The following PCDHGA10 variants were observed in gnomAD, a reference collection of about 807,000 sequenced individuals.
PCDHGA10 encodes the protein protocadherin gamma-A10.
In PCDHGA10, 42 loss-of-function variants were observed where a neutral mutation model predicts 59.5. The ratio of observed to expected loss-of-function variants is 0.71; its 90% confidence interval spans 0.55 to 0.91. PCDHGA10 has a LOEUF of 0.91. Ranked by LOEUF, PCDHGA10 falls within the 40% of genes least tolerant of loss-of-function variation. PCDHGA10 has a pLI of 0.00. For synonymous variants in PCDHGA10, 511 were observed against 517.2 expected (o/e 0.99, Z 0.16); for missense variants, 1,111 against 1,198.2 (o/e 0.93, Z 1.07).
intron 1 of PCDHGA10, among the ~76,000 whole-genome samples, chr5:141,437,990 C>G (rs1298325497): frequency 1.3e-5 from 2 of 152,148 alleles, no homozygotes; most frequent in Non-Finnish European, 2.9e-5. Flanking sequence ...CCCACCCCAC[C>G]TCAGCCTCCC....
At chr5:141,448,359 CTTTA>C in intron 1 of PCDHGA10, among the ~76,000 whole-genome samples, 1 of 152,074 alleles carries the variant, frequency 6.6e-6, no homozygotes, top group East Asian at 1.9e-4. Context: ...TAGTAGTTTT[CTTTA>C]TTTTATTTTT....
At chr5:141,498,089 A>G (rs1402239680) in intron 2 of PCDHGA10, among the ~76,000 whole-genome samples, 3 of 152,370 alleles carry the variant, frequency 2.0e-5, no homozygotes, top group South Asian at 2.1e-4. Context: ...GTAGAATTGT[A>G]TCTGGTGGTG....
At chr5:141,456,687 A>G (rs1053490307) in intron 1 of PCDHGA10, among the ~76,000 whole-genome samples, 1 of 152,156 alleles carries the variant, frequency 6.6e-6, no homozygotes. Context: ...ATTACTGGCC[A>G]GGCGTGGTGG....
chr5:141,415,977 C>A (rs1479258110), intron 1 of PCDHGA10: 2 of 354,488 alleles, frequency 5.6e-6, no homozygotes, highest in Non-Finnish European at 9.4e-6. Context: ...CCTTAAGCAA[C>A]CCTCTTGTTC....
At chr5:141,460,981 G>GTATA (rs1491204135) in intron 1 of PCDHGA10, among the ~76,000 whole-genome samples, 10 of 121,884 alleles carry the variant, frequency 8.2e-5, no homozygotes, top group African/African-American at 3.1e-4. Context: ...GTGTGTGTGT[G>GTATA]TGTATATATA....
chr5:141,431,748 G>T lies in PCDHGA10; in HGVS notation c.2436+16137G>T. 1 of 1,614,196 alleles carries T rather than the reference G, an allele frequency of 6.2e-7. No homozygotes were observed. Among genetic ancestry groups the T allele is most frequent in the Non-Finnish European group, 8.5e-7 (1 of 1,180,042 alleles). Reference sequence around the variant, plus strand: ...ATGGATAATGCAGGATATTCTGCGCGAGCCAAAGTCCTGATCACTGTTCTG... The same window carrying T: ...ATGGATAATGCAGGATATTCTGCGCTAGCCAAAGTCCTGATCACTGTTCTG... On this transcript the variant is annotated intron_variant, in intron 1 of 3. Transcript: ENST00000398610. This position sits in a 1 kb window ranked among gnomAD's most constrained non-coding sequence, Gnocchi z 4.8.
chr5:141,418,434 C>T, intron 1 of PCDHGA10: 5 of 1,613,944 alleles, frequency 3.1e-6, no homozygotes, highest in Non-Finnish European at 4.2e-6. Context: ...GGCAAATATC[C>T]AGAATTAGTA....
intron 1 of PCDHGA10, among the ~76,000 whole-genome samples, chr5:141,445,961 G>C (rs944876169): frequency 6.6e-6 from 1 of 152,158 alleles, no homozygotes; most frequent in Non-Finnish European, 1.5e-5. Flanking sequence ...GCTATATGGA[G>C]AATTGATTTA....
intron 2 of PCDHGA10, among the ~76,000 whole-genome samples, chr5:141,501,984 G>A (rs989251578): frequency 2.0e-5 from 3 of 152,042 alleles, no homozygotes; most frequent in African/African-American, 4.8e-5. Context: ...ATCTGGTCCC[G>A]TTGTCTCCCT....
Position 141,422,144 on chromosome 5 carries a change from G to A in PCDHGA10, c.2436+6533G>A, listed in dbSNP as rs748208921. On this transcript the variant is annotated intron_variant, in intron 1 of 3. Transcript: ENST00000398610. Reference sequence around the variant, plus strand: ...CAAACTGGAGAAGTTCAAGTACGGGGGTCTCTGGATTTTGAAAAATATAGA... The same window carrying A: ...CAAACTGGAGAAGTTCAAGTACGGGAGTCTCTGGATTTTGAAAAATATAGA... 1.9e-6 allele frequency: 3 copies of A among 1,583,402 alleles called. No individual in the cohort carries two copies. In the African/African-American group the frequency reaches 4.1e-5, roughly 22 times the overall value.
intron 1 of PCDHGA10, among the ~76,000 whole-genome samples, chr5:141,434,567 C>T (rs1220152239): frequency 6.6e-6 from 1 of 152,206 alleles, no homozygotes; most frequent in East Asian, 1.9e-4. Flanking sequence ...TAAGGACATG[C>T]CCCTGCTGCA....
intron 1 of PCDHGA10, chr5:141,419,935 G>T: frequency 6.2e-7 from 1 of 1,614,070 alleles, no homozygotes; most frequent in Non-Finnish European, 8.5e-7. Flanking sequence ...AGTTTTACCT[G>T]GTGGTGGCCT....
In PCDHGA10 at chr5:141,490,803, C is replaced by A; in HGVS notation, c.2437-4004C>A. The A allele has an allele frequency of 6.2e-7, 1 of 1,613,956 alleles. No homozygotes were observed. Among genetic ancestry groups the A allele is most frequent in the South Asian group, 1.1e-5 (1 of 91,080 alleles). On this transcript the variant is annotated intron_variant, in intron 1 of 3. Transcript: ENST00000398610. The surrounding 1 kb of genome is among the most constrained non-coding windows in gnomAD (Gnocchi z 5.4). ...ATGGACGGATCTTTGCCCAGCGTAC[C>A]TTTGACTATGAATTGCTGCAGATGC...
At chr5:141,441,537 C>A in intron 1 of PCDHGA10, 1 of 173,250 alleles carries the variant, frequency 5.8e-6, no homozygotes, top group Non-Finnish European at 1.2e-5. Context: ...ACAATCTTCC[C>A]AAAGCCTCCA....
chr5:141,490,050 C>T lies in PCDHGA10; in HGVS notation c.2437-4757C>T, dbSNP rs1400735375. On this transcript the variant is annotated intron_variant, in intron 1 of 3. Transcript: ENST00000398610. This position sits in a 1 kb window ranked among gnomAD's most constrained non-coding sequence, Gnocchi z 5.4. ...TCCGCCTCAATGCCACTGATCCAGA[C>T]GAGGGCACCAACGGCCAACTAGACT... The T allele has an allele frequency of 1.2e-6, 2 of 1,614,224 alleles. No individual in the cohort carries two copies. The highest frequency in any genetic ancestry group is 1.7e-6 in the Non-Finnish European group (2 of 1,180,022).
chr5:141,418,433 C>A (rs761824602), intron 1 of PCDHGA10: 6 of 1,613,820 alleles, frequency 3.7e-6, no homozygotes, highest in South Asian at 3.3e-5. Flanking sequence ...TGGCAAATAT[C>A]CAGAATTAGT....
In PCDHGA10 at chr5:141,413,467, G is replaced by T; in HGVS notation, c.292G>T (p.Glu98Ter). 1 of 1,614,136 alleles carries T rather than the reference G, an allele frequency of 6.2e-7. No homozygotes were observed. Among genetic ancestry groups the T allele is most frequent in the Non-Finnish European group, 8.5e-7 (1 of 1,179,980 alleles). Residue 98 changes from glutamate to a stop codon, truncating the protein, a stop_gained, in exon 1 of 4, where the codon GAG becomes TAG. Coordinates refer to ENST00000398610, the MANE Select transcript of PCDHGA10 (RefSeq NM_018913.3). LOFTEE classifies it high-confidence loss of function. ...CACCGCGGGCAGGATAGACCGGGAG[G>T]AGCTCTGCGCTCAGAGCGCGCGGTG... ...LITAGRIDREELCAQSARCVV... is the reference protein window; with the variant it reads ...LITAGRIDRE
At chr5:141,501,013 C>T (rs1456343329) in intron 2 of PCDHGA10, among the ~76,000 whole-genome samples, 2 of 151,970 alleles carry the variant, frequency 1.3e-5, no homozygotes, top group Non-Finnish European at 2.9e-5. Context: ...GGACTACAGG[C>T]ACGCGCCACC....
At chr5:141,451,762 T>C (rs2154563695) in intron 1 of PCDHGA10, among the ~76,000 whole-genome samples, 1 of 152,100 alleles carries the variant, frequency 6.6e-6, no homozygotes, top group African/African-American at 2.4e-5. Flanking sequence ...ATGCCTATAG[T>C]CCCAGCTACT....
Sources: allele counts gnomAD v4.1 joint callset (sites outside exome capture counted in the v4.1 genomes callset), GRCh38; gene constraint gnomAD v4.1.1; non-coding constraint Gnocchi (gnomAD v3.1); transcripts MANE v1.5; gene names NCBI Gene and HGNC (gene_info 2026-07-23, HGNC 2026-07-21).